RGS6: variants seen among roughly 807,000 people sequenced by gnomAD.
RGS6 encodes regulator of G protein signaling 6, also known as regulator of G-protein signaling 6.
A neutral mutation model predicts 78.5 loss-of-function variants in RGS6; 30 were observed. The ratio of observed to expected loss-of-function variants is 0.38; its 90% CI spans 0.29 to 0.52. RGS6 has a LOEUF of 0.52. Ranked by LOEUF, RGS6 falls within the 20% of genes least tolerant of loss-of-function variation. RGS6 has a pLI of 0.85. For synonymous variants in RGS6, 206 were observed against 206.0 expected (o/e 1.00, Z 0.00); for missense variants, 495 against 609.7 (o/e 0.81, Z 1.98).
rs1202624497 is a variant in RGS6, at chr14:72,035,858, T to G, written c.84+70983T>G. 2.0e-5 allele frequency among the ~76,000 whole-genome samples: 3 copies of G among 152,174 alleles called. No individual in the cohort carries two copies. The East Asian group carries it at 5.8e-4, about 29-fold the overall frequency. On this transcript the variant is annotated intron_variant, in intron 2 of 17. Transcript: ENST00000553525. ...TTTATTTGTTTTAACTTCTTAAAAT[T>G]TTACTTTTTAAATAAACATATGGTA... is the stretch of plus-strand genomic sequence containing the variant.
At chr14:72,440,599 G>A (rs1296115936) in intron 3 of RGS6, among the ~76,000 whole-genome samples, 3 of 151,888 alleles carry the variant, frequency 2.0e-5, no homozygotes, top group Non-Finnish European at 4.4e-5. Context: ...TTTTAGTATA[G>A]ACGGGGTTTC....
chr14:71,921,758 A>G, the RGS6 span, among the ~76,000 whole-genome samples: 10,429 of 152,280 alleles, frequency 0.068, 428 homozygotes, highest in Non-Finnish European at 0.091. Flanking sequence ...TTTCAGTTAT[A>G]CAGATACAAC....
chr14:71,992,710 A>G (rs745641618), intron 2 of RGS6, among the ~76,000 whole-genome samples: 2 of 152,356 alleles, frequency 1.3e-5, no homozygotes, highest in Middle Eastern at 6.8e-3. Context: ...AGAATAACAC[A>G]TGCATTTTAA....
chr14:72,449,681 G>T (rs947138948), intron 3 of RGS6, among the ~76,000 whole-genome samples: 1 of 152,196 alleles, frequency 6.6e-6, no homozygotes, highest in Admixed American at 6.5e-5. Context: ...CAGAGGAGAG[G>T]TGCAGGTTGG....
At position 71,939,892 on chromosome 14, in the gene RGS6, A is replaced by G. The variant is rs113383570; in HGVS notation, c.-21+6951A>G. 7.8e-3 allele frequency among the ~76,000 whole-genome samples: 1,184 copies of G among 152,300 alleles called. 14 individuals are homozygous for G. Among genetic ancestry groups the G allele is most frequent in the African/African-American group, 0.027 (1,138 of 41,558 alleles). ...ACTGTTTTTGATTTGCTATTTTTCTAGGTAGAGGCATCTCTAATGGCTTCC... is the reference window on the plus strand; with the variant it reads ...ACTGTTTTTGATTTGCTATTTTTCTGGGTAGAGGCATCTCTAATGGCTTCC... On this transcript the variant is annotated intron_variant, in intron 1 of 17. Coordinates refer to ENST00000553525, the MANE Select transcript of RGS6 (RefSeq NM_001204424.2).
At chr14:72,413,325 G>A (rs1380641071) in intron 3 of RGS6, among the ~76,000 whole-genome samples, 1 of 152,184 alleles carries the variant, frequency 6.6e-6, no homozygotes, top group East Asian at 1.9e-4. Flanking sequence ...TTATGTAATA[G>A]CCTTCTTTGT....
At chr14:72,470,278 T>G (rs1247625479) in intron 8 of RGS6, among the ~76,000 whole-genome samples, 195 bp downstream of exon 8, 1 of 152,202 alleles carries the variant, frequency 6.6e-6, no homozygotes, top group African/African-American at 2.4e-5. Flanking sequence ...CTAAAGCAAT[T>G]TCAGAAATGT....
At chr14:72,393,099 C>G (rs775038899) in intron 3 of RGS6, among the ~76,000 whole-genome samples, 6 of 152,156 alleles carry the variant, frequency 3.9e-5, no homozygotes, top group Non-Finnish European at 8.8e-5. Context: ...ACCATTTCAT[C>G]TGTGGCTTAT....
the RGS6 span, among the ~76,000 whole-genome samples, chr14:72,582,293 T>C: frequency 6.6e-6 from 1 of 152,178 alleles, no homozygotes; most frequent in African/African-American, 2.4e-5. Context: ...AGTGTATTAA[T>C]CCGTAATACC....
chr14:72,609,345 G>C, the RGS6 span, among the ~76,000 whole-genome samples: 3 of 152,222 alleles, frequency 2.0e-5, no homozygotes, highest in Non-Finnish European at 4.4e-5. Flanking sequence ...TGGGCCACCA[G>C]TCTTCTGAAT....
In RGS6 at chr14:72,319,480, G is replaced by A. The variant is rs148251647; in HGVS notation, c.85-32615G>A. ...TTCTCCTGCCTCAGCCTCCCAAGTA[G>A]CTGGGACTACAGGGGCACCCACCAC... On this transcript the variant is annotated intron_variant, in intron 2 of 17. Transcript: ENST00000553525. Among the ~76,000 whole-genome samples the A allele has an allele frequency of 7.7e-3, 1,174 of 151,912 alleles. 11 individuals are homozygous for A. Among genetic ancestry groups the A allele is most frequent in the African/African-American group, 0.025 (1,040 of 41,412 alleles).
intron 2 of RGS6, among the ~76,000 whole-genome samples, chr14:72,028,019 G>A (rs1402543037): frequency 6.6e-6 from 1 of 152,206 alleles, no homozygotes; most frequent in African/African-American, 2.4e-5. Context: ...GCTGTGCTGG[G>A]TGACTGCGTG....
chr14:72,176,506 T>C (rs902549286), intron 2 of RGS6, among the ~76,000 whole-genome samples: 2 of 152,216 alleles, frequency 1.3e-5, no homozygotes, highest in Non-Finnish European at 2.9e-5. Flanking sequence ...CGCATAGCCA[T>C]GCACCGCTGT....
intron 17 of RGS6, among the ~76,000 whole-genome samples, chr14:72,555,078 C>T (rs975092316): frequency 2.6e-5 from 4 of 152,196 alleles, no homozygotes; most frequent in Admixed American, 1.3e-4. Context: ...TGGCTGGGCA[C>T]CCCGAATTAG....
At chr14:72,589,850 A>G in the RGS6 span, among the ~76,000 whole-genome samples, 20 of 152,354 alleles carry the variant, frequency 1.3e-4, no homozygotes, top group African/African-American at 4.8e-4. Flanking sequence ...ATTGCTTACC[A>G]TGCAGTATTG....
the RGS6 span, among the ~76,000 whole-genome samples, chr14:71,883,043 T>C: frequency 6.6e-6 from 1 of 152,228 alleles, no homozygotes; most frequent in Non-Finnish European, 1.5e-5. Context: ...CAGTGTTTCC[T>C]TTTTCAGGGG....
At chr14:72,074,731 G>A (rs1163057977) in intron 2 of RGS6, among the ~76,000 whole-genome samples, 1 of 151,940 alleles carries the variant, frequency 6.6e-6, no homozygotes, top group African/African-American at 2.4e-5. Flanking sequence ...TATGCAAGAG[G>A]GTGTAAATGT....
the RGS6 span, among the ~76,000 whole-genome samples, chr14:71,916,966 A>C: frequency 6.6e-6 from 1 of 152,218 alleles, no homozygotes. Context: ...TTAAGGAAAT[A>C]GAATTCCCTA....
At chr14:72,537,176 T>G (rs1418792090) in intron 16 of RGS6, among the ~76,000 whole-genome samples, 3 of 152,198 alleles carry the variant, frequency 2.0e-5, no homozygotes, top group Non-Finnish European at 4.4e-5. Flanking sequence ...CTATGACTTC[T>G]GTGCCATGGC....
Sources: gnomAD v4.1 joint callset for allele counts (sites outside exome capture counted in the v4.1 genomes callset) on GRCh38, gnomAD v4.1.1 for gene constraint, MANE v1.5 for transcripts, NCBI Gene and HGNC (gene_info 2026-07-23, HGNC 2026-07-21) for gene names.